The following ACACA variants were observed in gnomAD, a reference collection of about 807,000 sequenced individuals.
ACACA encodes the protein acetyl-CoA carboxylase 1.
ACACA carries 103 observed loss-of-function variants against 296.1 expected under a neutral mutation model. The ratio of observed to expected loss-of-function variants is 0.35; its 90% CI spans 0.30 to 0.41. The LOEUF is 0.41. Ranked by LOEUF, ACACA falls within the 10% of genes least tolerant of loss-of-function variation. The pLI, the probability that ACACA is intolerant of heterozygous loss-of-function variation, is 1.00. For synonymous variants in ACACA, 953 were observed against 1,038.6 expected, an observed-to-expected ratio of 0.92 and a Z score of 1.58; for missense variants, 1,554 against 2,989.7, an observed-to-expected ratio of 0.52 and a Z score of 11.20.
At position 37,097,860 on chromosome 17, in the gene ACACA, T is replaced by C. The variant is rs748446367; in HGVS notation, c.6690A>G (p.Pro2230=). Reference sequence around the variant, plus strand: ...TAACACCCTTCTCCTGCATCCGGCCTGGTGTGTCGTGCAAGTCAGCAAACT... The same window carrying C: ...TAACACCCTTCTCCTGCATCCGGCCCGGTGTGTCGTGCAAGTCAGCAAACT... ...AVQFADLHDT[P]GRMQEKGVIS... is the part of the protein sequence containing the mutation. The change falls in exon 53 of 56, where the codon CCA becomes CCG. Residue 2230 remains proline, a synonymous_variant. Coordinates refer to ENST00000616317, the MANE Select transcript of ACACA (RefSeq NM_198834.3). This position sits in a 1 kb window ranked among gnomAD's most constrained non-coding sequence, Gnocchi z 4.8. 1.2e-6 allele frequency: 2 copies of C among 1,614,182 alleles called. No individual in the cohort carries two copies. Among genetic ancestry groups the C allele is most frequent in the South Asian group, 1.1e-5 (1 of 91,082 alleles).
At chr17:37,377,892 C>A in intron 1 of ACACA, 1 of 1,613,376 alleles carries the variant, frequency 6.2e-7, no homozygotes, top group Non-Finnish European at 8.5e-7. Context: ...TCAGAGATAG[C>A]AGTTGCCGAC....
At chr17:37,319,351 T>C (rs937450004) in intron 3 of ACACA, among the ~76,000 whole-genome samples, 4 of 152,028 alleles carry the variant, frequency 2.6e-5, no homozygotes, top group Non-Finnish European at 5.9e-5. Context: ...TATAAAACAG[T>C]GTGTACAGTA....
chr17:37,145,754 G>C (rs1253278182), intron 45 of ACACA, among the ~76,000 whole-genome samples: 2 of 152,190 alleles, frequency 1.3e-5, no homozygotes, highest in African/African-American at 4.8e-5. Flanking sequence ...ATTCTTGACT[G>C]AATTTCAAGC....
intron 1 of ACACA, chr17:37,378,057 T>C (rs1268072750): frequency 1.8e-6 from 2 of 1,142,412 alleles, no homozygotes; most frequent in African/African-American, 3.1e-5. Context: ...TCCTAGCCCA[T>C]ATCTCAAATA....
At chr17:37,314,594 T>C (rs924463602) in intron 3 of ACACA, among the ~76,000 whole-genome samples, 4 of 151,754 alleles carry the variant, frequency 2.6e-5, no homozygotes, top group Non-Finnish European at 5.9e-5. Flanking sequence ...GACCAGAGGC[T>C]GTAATCTAAT....
chr17:37,242,992 C>T (rs926762263), intron 22 of ACACA, among the ~76,000 whole-genome samples: 7 of 152,016 alleles, frequency 4.6e-5, no homozygotes, highest in African/African-American at 1.7e-4. Context: ...CCGAGATCAG[C>T]CACTGCACTC....
Position 37,406,698 on chromosome 17 carries a change from G to A in ACACA, c.-399C>T. On this transcript the variant is annotated 5_prime_UTR_variant, in exon 1 of 56. Transcript: ENST00000616317. The stretch of plus-strand genomic sequence containing the variant: ...ACTGGTCGGATCAAAAGTCAGGCAA[G>A]CGGCTCAGCCCCATCCTCCCAGTCC... The A allele has an allele frequency of 5.9e-6, 2 of 339,578 alleles. No individual in the cohort carries two copies. Among genetic ancestry groups the A allele is most frequent in the South Asian group, 5.6e-5 (2 of 35,500 alleles). 21.0% of individuals were successfully genotyped at this position (339,578 alleles called of 1,614,324 possible).
intron 1 of ACACA, among the ~76,000 whole-genome samples, chr17:37,385,138 C>T (rs1407197584): frequency 6.6e-6 from 1 of 152,044 alleles, no homozygotes; most frequent in Non-Finnish European, 1.5e-5. Flanking sequence ...CCCTTGCCCA[C>T]CCCAACCCAT....
intron 1 of ACACA, chr17:37,377,818 T>A (rs1597740415): frequency 7.3e-7 from 1 of 1,370,668 alleles, no homozygotes; most frequent in Non-Finnish European, 1.0e-6. Context: ...TAAGTACCAG[T>A]AAATTCTGAT....
At chr17:37,091,364 G>C (rs2072619933) in intron 54 of ACACA, among the ~76,000 whole-genome samples, 2 of 152,208 alleles carry the variant, frequency 1.3e-5, no homozygotes, top group African/African-American at 4.8e-5. Context: ...GGATGACAAT[G>C]ACCGCCAAAC....
At chr17:37,188,146 T>C (rs1284327113) in intron 39 of ACACA, 131 bp downstream of exon 39, 1 of 913,432 alleles carries the variant, frequency 1.1e-6, no homozygotes, top group Non-Finnish European at 1.8e-6. Context: ...ATACAATCAT[T>C]TAATCTTATA....
intron 45 of ACACA, among the ~76,000 whole-genome samples, chr17:37,131,666 A>T (rs968480249): frequency 6.6e-6 from 1 of 152,220 alleles, no homozygotes; most frequent in African/African-American, 2.4e-5. Flanking sequence ...ATGCTGGGTC[A>T]GCACCCCCAT....
intron 9 of ACACA, 78 bp from the exon 10 acceptor site, chr17:37,270,939 T>G: frequency 1.0e-6 from 1 of 992,400 alleles, no homozygotes; most frequent in Non-Finnish European, 1.6e-6. Context: ...TTTTCTCCCT[T>G]TAAGAATGCA....
intron 8 of ACACA, among the ~76,000 whole-genome samples, chr17:37,274,982 GAA>G: frequency 7.3e-6 from 1 of 136,270 alleles, no homozygotes; most frequent in South Asian, 2.4e-4. Flanking sequence ...GAGTACTTAA[GAA>G]AAAAAAAAAA....
intron 45 of ACACA, 36 bp from the exon 46 acceptor site, chr17:37,130,254 TATAGAA>T: frequency 1.2e-6 from 2 of 1,613,076 alleles, no homozygotes; most frequent in Non-Finnish European, 1.7e-6. Context: ...CATTTGTCTC[TATAGAA>T]ATAAAGGCAT....
rs1276828792 is a variant in ACACA at position 37,330,213 on chromosome 17, C to G, written c.298G>C (p.Gly100Arg). 1 of 1,614,034 alleles carries G rather than the reference C, an allele frequency of 6.2e-7. No individual in the cohort carries two copies. Among genetic ancestry groups the G allele is most frequent in the Non-Finnish European group, 8.5e-7 (1 of 1,180,032 alleles). ...AAGCCATCCTGTAGGCTAGAGATCC[C>G]CAAATCAGAGAGTGTATCTGAGCCA... ...SVGSDTLSDLGISSLQDGLAL... is the reference protein window; with the variant it reads ...SVGSDTLSDLRISSLQDGLAL... The change falls in exon 3 of 56, where the codon GGG becomes CGG. Residue 100 changes from glycine (G) to arginine (R), a missense_variant. Around this residue, in one of 16 missense-constraint regions of ACACA, gnomAD observed 140 missense variants for 147.7 expected, o/e 0.95. Transcript: ENST00000616317.
At position 37,274,221 on chromosome 17, in the gene ACACA, T is replaced by C; in HGVS notation, c.980A>G (p.Tyr327Cys). 1 of 1,614,118 alleles carries C rather than the reference T, an allele frequency of 6.2e-7. No individual in the cohort carries two copies. Among genetic ancestry groups the C allele is most frequent in the South Asian group, 1.1e-5 (1 of 91,080 alleles). The change falls in exon 9 of 56, where the codon TAT becomes TGT. Residue 327 changes from tyrosine (Y) to cysteine (C), a missense_variant. Tyr to Cys is a radical substitution (Grantham distance 194). Coordinates refer to ENST00000616317, the MANE Select transcript of ACACA (RefSeq NM_198834.3). ...NVPQELYEKG[Y>C]VKDVDDGLQA... ...TAGCCCATCATCCACATCTTTCACA[T>C]AACCTTTTTCATATAGCTCCTGGGG...
intron 40 of ACACA, 92 bp downstream of exon 40, chr17:37,181,109 G>A (rs2077301527): frequency 2.2e-6 from 3 of 1,373,266 alleles, no homozygotes; most frequent in Non-Finnish European, 3.1e-6. Flanking sequence ...GCCCTTTGGA[G>A]TGCCCCCTTC....
chr17:37,303,685 C>T (rs2083736435), intron 3 of ACACA, among the ~76,000 whole-genome samples: 1 of 152,146 alleles, frequency 6.6e-6, no homozygotes, highest in African/African-American at 2.4e-5. Flanking sequence ...TGGTGAAACC[C>T]CATCTCTACT....
Sources: allele counts gnomAD v4.1 joint callset (sites outside exome capture counted in the v4.1 genomes callset), GRCh38; gene constraint gnomAD v4.1.1; regional missense constraint gnomAD v4.1.1; non-coding constraint Gnocchi (gnomAD v3.1); transcripts MANE v1.5; gene names NCBI Gene and HGNC (gene_info 2026-07-23, HGNC 2026-07-21).